Variants in SAMHD1 observed in about 807,000 individuals in gnomAD.
SAMHD1 encodes SAM and HD domain containing deoxynucleoside triphosphate triphosphohydrolase 1.
Under a neutral mutation model 79.6 loss-of-function variants are expected in SAMHD1, and 54 were observed. The ratio of observed to expected loss-of-function variants is 0.68; its 90% CI spans 0.55 to 0.85. The LOEUF (loss-of-function observed/expected upper bound fraction) is 0.85, where lower values mean the gene tolerates loss of function less well. Among genes scored for constraint, SAMHD1 ranks in the 40% least tolerant of loss-of-function variants. The probability of loss-of-function intolerance (pLI) is 0.00; values close to 1 mark genes in which losing one functional copy is unlikely to be tolerated. For missense variants in SAMHD1, 663 were observed against 782.7 expected, an observed-to-expected ratio of 0.85 and a Z score of 1.82; for synonymous variants, 260 against 264.1, an observed-to-expected ratio of 0.98 and a Z score of 0.15.
At chr20:36,932,308 G>A (rs1448171532) in intron 4 of SAMHD1, among the ~76,000 whole-genome samples, 1 of 128,224 alleles carries the variant, frequency 7.8e-6, no homozygotes, top group Non-Finnish European at 1.6e-5. Flanking sequence ...CCGAGATTGC[G>A]CCATTGCACT....
chr20:36,909,119 G>A (rs757484907), intron 11 of SAMHD1, among the ~76,000 whole-genome samples: 29 of 151,880 alleles, frequency 1.9e-4, no homozygotes, highest in Non-Finnish European at 3.2e-4. Context: ...GTGCCACCAC[G>A]CCTGGCTCAT....
intron 1 of SAMHD1, among the ~76,000 whole-genome samples, chr20:36,950,413 C>T (rs1391674256): frequency 1.3e-5 from 2 of 152,014 alleles, no homozygotes; most frequent in Admixed American, 1.3e-4. Flanking sequence ...CCTCCTACCC[C>T]AGTTTCCAAC....
Position 36,930,891 on chromosome 20 carries a change from A to G in SAMHD1, c.510-16T>C. The G allele has an allele frequency of 6.4e-7, 1 of 1,551,732 alleles. No individual in the cohort carries two copies. Among genetic ancestry groups the G allele is most frequent in the Non-Finnish European group, 8.9e-7 (1 of 1,123,596 alleles). Reference sequence around the variant, plus strand: ...ATACCCCACCCTGCAGAGCAAAAACACAAAAAGTCACTTTTCTGTTTGCAA... The same window carrying G: ...ATACCCCACCCTGCAGAGCAAAAACGCAAAAAGTCACTTTTCTGTTTGCAA... On this transcript the variant is annotated splice_polypyrimidine_tract_variant and intron_variant, in intron 4 of 15. Coordinates refer to ENST00000646673, the MANE Select transcript of SAMHD1 (RefSeq NM_015474.4).
chr20:36,919,457 G>T lies in SAMHD1; in HGVS notation c.759C>A (p.Val253=). The T allele has an allele frequency of 6.2e-7, 1 of 1,613,300 alleles. No homozygotes were observed. The highest frequency in any genetic ancestry group is 8.5e-7 in the Non-Finnish European group (1 of 1,179,430). ...CAGGGATGAGACCATATTGTTCCAT[G>T]ACAGGCTTAATTCCATTAGAATTAA... ...HLINSNGIKP[V]MEQYGLIPEE... The change falls in exon 7 of 16, where the codon GTC becomes GTA. Residue 253 remains valine, a synonymous_variant. Transcript: ENST00000646673.
At chr20:36,912,593 A>T (rs748507133) in intron 9 of SAMHD1, 41 bp from the exon 10 acceptor site, 1 of 1,369,586 alleles carries the variant, frequency 7.3e-7, no homozygotes. Context: ...GGATCAGATT[A>T]TGTTAACGTT....
intron 14 of SAMHD1, 117 bp from the exon 15 acceptor site, chr20:36,898,076 G>A: frequency 7.7e-7 from 1 of 1,293,916 alleles, no homozygotes; most frequent in African/African-American, 1.5e-5. Flanking sequence ...CTGTCACCCA[G>A]GCTGGAGTGC....
At chr20:36,924,022 G>A (rs1315746380) in intron 6 of SAMHD1, among the ~76,000 whole-genome samples, 1 of 152,126 alleles carries the variant, frequency 6.6e-6, no homozygotes, top group East Asian at 1.9e-4. Context: ...GGCCAAGCGG[G>A]GCAGATAGCT....
chr20:36,925,303 C>T (rs768207487), intron 6 of SAMHD1, among the ~76,000 whole-genome samples: 5 of 152,124 alleles, frequency 3.3e-5, no homozygotes, highest in Non-Finnish European at 5.9e-5. Context: ...AGATCAACTG[C>T]AGAAGAAAAC....
At chr20:36,914,420 G>A (rs2063463730) in intron 9 of SAMHD1, among the ~76,000 whole-genome samples, 1 of 151,544 alleles carries the variant, frequency 6.6e-6, no homozygotes, top group Admixed American at 6.6e-5. Flanking sequence ...GCGCAATCTC[G>A]GCTTACCACA....
In SAMHD1 at chr20:36,926,563, G is replaced by T. The variant is rs572995736; in HGVS notation, c.696+619C>A. On this transcript the variant is annotated intron_variant, in intron 6 of 15. Coordinates refer to ENST00000646673, the MANE Select transcript of SAMHD1 (RefSeq NM_015474.4). Reference sequence around the variant, plus strand: ...GAACTTAAGATCTGGACAACTTATTGTATGTGAACTATACCTCAAAAAAAG... The same window carrying T: ...GAACTTAAGATCTGGACAACTTATTTTATGTGAACTATACCTCAAAAAAAG... Among the ~76,000 whole-genome samples, 286 of 151,970 alleles carry T rather than the reference G, an allele frequency of 1.9e-3. 1 individual carries two copies. The highest frequency in any genetic ancestry group is 6.4e-3 in the African/African-American group (266 of 41,460).
intron 13 of SAMHD1, among the ~76,000 whole-genome samples, chr20:36,899,398 A>AGTG (rs1990260254): frequency 6.6e-6 from 1 of 152,136 alleles, no homozygotes; most frequent in Non-Finnish European, 1.5e-5. Context: ...ACTGCACTCC[A>AGTG]GCCTAGGCAA....
chr20:36,931,183 G>A, intron 4 of SAMHD1: 1 of 386,084 alleles, frequency 2.6e-6, no homozygotes, highest in Non-Finnish European at 4.9e-6. Context: ...TGGACATGAT[G>A]TGAAGAAGTT....
rs1990100329 is a variant in SAMHD1 at position 36,892,516 on chromosome 20, T to A, written c.*416A>T. ...TCATAAAAGTTCAGAGTAAGCTGGG[T>A]GTGGTGGCACATGACTTTAGTCCCA... On this transcript the variant is annotated 3_prime_UTR_variant, in exon 16 of 16. Transcript: ENST00000646673. 8.9e-6 allele frequency: 2 copies of A among 223,616 alleles called. No homozygotes were observed. Among genetic ancestry groups the A allele is most frequent in the Non-Finnish European group, 1.8e-5 (2 of 111,270 alleles). 13.9% of individuals were successfully genotyped at this position (223,616 alleles called of 1,614,324 possible).
intron 6 of SAMHD1, among the ~76,000 whole-genome samples, chr20:36,925,155 C>CAAAAAAAAAA (rs1216292694): frequency 4.5e-5 from 3 of 66,176 alleles, no homozygotes; most frequent in African/African-American, 5.8e-5. Context: ...GACTCCATCT[C>CAAAAAAAAAA]AAAAAAAAAA....
intron 2 of SAMHD1, 141 bp from the exon 3 acceptor site, chr20:36,941,252 C>G: frequency 1.4e-6 from 1 of 698,302 alleles, no homozygotes; most frequent in Non-Finnish European, 2.6e-6. Flanking sequence ...TTCAAACATA[C>G]CCCTCCTAGA....
chr20:36,911,723 CGAA>C (rs963784205), intron 10 of SAMHD1: 1 of 199,438 alleles, frequency 5.0e-6, no homozygotes, highest in African/African-American at 2.4e-5. Context: ...AAACTCTTAC[CGAA>C]GAATTAACAT....
At chr20:36,937,940 C>G (rs6030293) in intron 3 of SAMHD1, among the ~76,000 whole-genome samples, 10 of 150,998 alleles carry the variant, frequency 6.6e-5, no homozygotes, top group African/African-American at 2.2e-4. Flanking sequence ...TCACTGAAGC[C>G]TCCACCTCCC....
intron 9 of SAMHD1, among the ~76,000 whole-genome samples, chr20:36,912,999 C>CT (rs747354843): frequency 0.18 from 19,552 of 106,268 alleles, 2,517 homozygotes; most frequent in African/African-American, 0.3. Context: ...TTCTTTCTTC[C>CT]TTTTTTTTTT....
chr20:36,892,966 C>A lies in SAMHD1; in HGVS notation c.1847G>T (p.Ser616Ile), dbSNP rs1461249128. 1 of 1,613,818 alleles carries A rather than the reference C, an allele frequency of 6.2e-7. No individual in the cohort carries two copies. Among genetic ancestry groups the A allele is most frequent in the African/African-American group, 1.3e-5 (1 of 74,836 alleles). The change falls in exon 16 of 16, where the codon AGC becomes ATC. Residue 616 changes from serine to isoleucine, a missense_variant. By Grantham distance (142) the Ser-to-Ile change is moderately radical (BLOSUM62 -2). Transcript: ENST00000646673. ...GTCATCTTTAAAAAGCTGGACTCTG[C>A]TTTTGGATGCTTCTCGGAGGCGAGT... The part of the protein sequence containing the change: ...NPTRLREASK[S>I]RVQLFKDDPM
Sources: gnomAD v4.1 joint callset for allele counts (sites outside exome capture counted in the v4.1 genomes callset) on GRCh38, gnomAD v4.1.1 for gene constraint, MANE v1.5 for transcripts, NCBI Gene and HGNC (gene_info 2026-07-23, HGNC 2026-07-21) for gene names.